Variants in C10orf90 observed in about 807,000 individuals in gnomAD.
The protein encoded by C10orf90 is (E2-independent) E3 ubiquitin-conjugating enzyme FATS.
A neutral mutation model predicts 62.5 loss-of-function variants in C10orf90; 56 were observed. The observed-to-expected ratio is 0.90, with a 90% CI of 0.72 to 1.12. The LOEUF (loss-of-function observed/expected upper bound fraction) is 1.12, where lower values mean the gene tolerates loss of function less well. Ranked by LOEUF, C10orf90 falls within the 50% of genes most tolerant of loss-of-function variation. The probability of loss-of-function intolerance (pLI) is 0.00; values close to 1 mark genes in which losing one functional copy is unlikely to be tolerated. For missense variants in C10orf90, 970 were observed against 880.4 expected (o/e 1.10, Z -1.29); for synonymous variants, 386 against 340.4 (o/e 1.13, Z -1.47).
intron 2 of C10orf90, among the ~76,000 whole-genome samples, chr10:126,600,912 A>T (rs112441120): frequency 3.3e-5 from 5 of 152,356 alleles, no homozygotes; most frequent in African/African-American, 1.2e-4. Flanking sequence ...AGTACTATTT[A>T]CAGTAGCCAA....
intron 2 of C10orf90, among the ~76,000 whole-genome samples, chr10:126,635,588 A>T (rs935766956): frequency 1.3e-5 from 2 of 152,192 alleles, no homozygotes; most frequent in African/African-American, 4.8e-5. Flanking sequence ...GATTAACGAG[A>T]TGCAATCTCA....
chr10:126,602,394 G>A (rs1282698589), intron 2 of C10orf90, among the ~76,000 whole-genome samples: 1 of 152,218 alleles, frequency 6.6e-6, no homozygotes, highest in African/African-American at 2.4e-5. Flanking sequence ...CCTATACAGT[G>A]AGGTAGGTAC....
At chr10:126,584,344 A>G (rs1844815439) in intron 2 of C10orf90, among the ~76,000 whole-genome samples, 1 of 149,116 alleles carries the variant, frequency 6.7e-6, no homozygotes, top group Non-Finnish European at 1.5e-5. Context: ...CCATCCGCCT[A>G]CCTGTCTGTC....
intron 1 of C10orf90, among the ~76,000 whole-genome samples, chr10:126,668,257 A>G (rs1346531548): frequency 6.6e-6 from 1 of 152,232 alleles, no homozygotes; most frequent in African/African-American, 2.4e-5. Context: ...TCTTTAATCT[A>G]GCACCTTTGT....
chr10:126,465,044 G>T, intron 4 of C10orf90, 58 bp from the exon 5 acceptor site: 2 of 1,548,780 alleles, frequency 1.3e-6, no homozygotes, highest in South Asian at 1.2e-5. Flanking sequence ...CTAATGTACT[G>T]ACTTCTACCG....
At chr10:126,484,978 G>T (rs1348885505) in intron 4 of C10orf90, among the ~76,000 whole-genome samples, 1 of 152,186 alleles carries the variant, frequency 6.6e-6, no homozygotes, top group African/African-American at 2.4e-5. Context: ...GCCTAACAAT[G>T]TGAGCAAAAA....
intron 2 of C10orf90, among the ~76,000 whole-genome samples, chr10:126,621,970 C>A (rs1349840470): frequency 6.6e-6 from 1 of 151,928 alleles, no homozygotes; most frequent in Non-Finnish European, 1.5e-5. Context: ...CACCCCCTAA[C>A]TGGCTTACCC....
At chr10:126,523,021 T>G (rs768233503) in intron 2 of C10orf90, 2 of 152,152 alleles carry the variant, frequency 1.3e-5, no homozygotes, top group African/African-American at 4.8e-5. Context: ...GAACGCTCCC[T>G]CAAAAAACAG....
chr10:126,633,190 T>A (rs1189352134), intron 2 of C10orf90, among the ~76,000 whole-genome samples: 1 of 152,140 alleles, frequency 6.6e-6, no homozygotes, highest in African/African-American at 2.4e-5. Context: ...GCATTTTCCA[T>A]CCTCCCTCCA....
chr10:126,459,962 C>T (rs1280895448), intron 6 of C10orf90, among the ~76,000 whole-genome samples: 2 of 152,216 alleles, frequency 1.3e-5, no homozygotes, highest in Non-Finnish European at 2.9e-5. Flanking sequence ...TTCAGGAAGG[C>T]AGGAATATTT....
At chr10:126,467,134 A>G (rs1022508372) in intron 4 of C10orf90, among the ~76,000 whole-genome samples, 2 of 152,186 alleles carry the variant, frequency 1.3e-5, no homozygotes, top group Non-Finnish European at 2.9e-5. Flanking sequence ...TAATCTATCT[A>G]TCATCTATCT....
chr10:126,573,896 T>G (rs944850235), intron 2 of C10orf90, among the ~76,000 whole-genome samples: 1 of 151,978 alleles, frequency 6.6e-6, no homozygotes, highest in Middle Eastern at 3.2e-3. Context: ...TCATGCAGAG[T>G]GAGGTGAAGA....
chr10:126,545,135 C>T (rs988531858), intron 2 of C10orf90, among the ~76,000 whole-genome samples: 1 of 152,184 alleles, frequency 6.6e-6, no homozygotes, highest in Non-Finnish European at 1.5e-5. Context: ...GCCCTCCTAA[C>T]ACCCTTGTTC....
Position 126,461,560 on chromosome 10 carries a change from A to C in C10orf90, c.1851T>G (p.Val617=). ...PKGDYTCCDL[V]VKIKECKKSE... ...TCTTCTTACATTCCTTTATTTTTAC[A>C]ACCAAGTCACAGCATGTGTAATCTC... The change falls in exon 6 of 10, where the codon GTT becomes GTG. Residue 617 remains valine (V), a synonymous_variant. Coordinates refer to ENST00000488181, the MANE Select transcript of C10orf90 (RefSeq NM_001350921.2). 1 of 1,613,832 alleles carries C rather than the reference A, an allele frequency of 6.2e-7. No homozygotes were observed. The highest frequency in any genetic ancestry group is 2.2e-5 in the East Asian group (1 of 44,870).
intron 4 of C10orf90, among the ~76,000 whole-genome samples, chr10:126,478,569 T>C (rs1426802376): frequency 1.3e-5 from 2 of 152,238 alleles, no homozygotes; most frequent in Non-Finnish European, 2.9e-5. Flanking sequence ...GCCCGTTTGC[T>C]AAATCTTTGA....
chr10:126,615,414 T>A (rs999227795), intron 2 of C10orf90, among the ~76,000 whole-genome samples: 4 of 152,170 alleles, frequency 2.6e-5, no homozygotes. Flanking sequence ...GAACACTGAA[T>A]AGGTATCTTA....
intron 1 of C10orf90, among the ~76,000 whole-genome samples, chr10:126,651,106 A>G (rs1846283677): frequency 6.6e-6 from 1 of 152,244 alleles, no homozygotes; most frequent in South Asian, 2.1e-4. Context: ...TAAATGCTTT[A>G]CAAAGCAACT....
chr10:126,623,669 C>A (rs992392092), intron 2 of C10orf90, among the ~76,000 whole-genome samples: 6 of 151,618 alleles, frequency 4.0e-5, no homozygotes, highest in African/African-American at 1.5e-4. Flanking sequence ...TGGTGAAATC[C>A]CATCTCTATT....
chr10:126,661,821 T>C (rs1846520988), intron 1 of C10orf90, among the ~76,000 whole-genome samples: 1 of 152,168 alleles, frequency 6.6e-6, no homozygotes, highest in Non-Finnish European at 1.5e-5. Context: ...TTAAAAATCA[T>C]CTATTTCTTG....
Sources: gnomAD v4.1 joint callset for allele counts (sites outside exome capture counted in the v4.1 genomes callset) on GRCh38, gnomAD v4.1.1 for gene constraint, MANE v1.5 for transcripts, NCBI Gene and HGNC (gene_info 2026-07-23, HGNC 2026-07-21) for gene names.